The following TECPR2 variants were observed in gnomAD, a reference collection of about 807,000 sequenced individuals.
TECPR2 encodes tectonin beta-propeller repeat containing 2, also known as tectonin beta-propeller repeat-containing protein 2.
A neutral mutation model predicts 138.1 loss-of-function variants in TECPR2; 65 were observed. That is an observed-to-expected ratio of 0.47 (90% confidence interval 0.39 to 0.58). The LOEUF (loss-of-function observed/expected upper bound fraction) is 0.58, where lower values mean the gene tolerates loss of function less well. TECPR2 is among the 20% of genes least tolerant of loss of function. The probability of loss-of-function intolerance (pLI) is 0.00; values close to 1 mark genes in which losing one functional copy is unlikely to be tolerated. For missense variants in TECPR2, 1,553 were observed against 1,824.5 expected (o/e 0.85, Z 2.71); for synonymous variants, 746 against 749.8 (o/e 0.99, Z 0.08).
intron 2 of TECPR2, among the ~76,000 whole-genome samples, chr14:102,392,333 C>A (rs570480956): frequency 2.0e-5 from 3 of 152,232 alleles, no homozygotes; most frequent in African/African-American, 7.2e-5. Context: ...TATGTTCTCT[C>A]TTCTATGTCT....
chr14:102,383,409 T>G lies in TECPR2; in HGVS notation c.219+6469T>G, dbSNP rs538821995. ...CACCATTGTATTGTCTTTTTTGTTT[T>G]TTTTGTTTTTTTTTTTGAGGCAGAG... On this transcript the variant is annotated intron_variant, in intron 2 of 19. Coordinates refer to ENST00000359520, the MANE Select transcript of TECPR2 (RefSeq NM_014844.5). 7.9e-5 allele frequency among the ~76,000 whole-genome samples: 12 copies of G among 151,840 alleles called. No homozygotes were observed. The East Asian group carries it at 2.3e-3, about 29-fold the overall frequency.
chr14:102,398,004 T>G (rs1421756137), intron 2 of TECPR2, among the ~76,000 whole-genome samples: 1 of 134,510 alleles, frequency 7.4e-6, no homozygotes, highest in Non-Finnish European at 1.5e-5. Flanking sequence ...ACCCGGGAGA[T>G]GGAGGTTGCA....
intron 2 of TECPR2, among the ~76,000 whole-genome samples, chr14:102,386,117 G>A (rs1026076830): frequency 5.3e-5 from 8 of 151,970 alleles, no homozygotes; most frequent in South Asian, 2.1e-4. Context: ...TTTTTTGAGC[G>A]CCCATTATAT....
intron 17 of TECPR2, among the ~76,000 whole-genome samples, chr14:102,485,515 T>C (rs1891004959): frequency 6.6e-6 from 1 of 152,234 alleles, no homozygotes; most frequent in Non-Finnish European, 1.5e-5. Context: ...TCTCTCATTC[T>C]GGAAGGCCAT....
intron 16 of TECPR2, among the ~76,000 whole-genome samples, chr14:102,455,392 C>T (rs1890251794): frequency 6.6e-6 from 1 of 152,158 alleles, no homozygotes; most frequent in Non-Finnish European, 1.5e-5. Flanking sequence ...AGAGCTGGGC[C>T]CCAGGCGGGC....
chr14:102,440,541 T>C lies in TECPR2; in HGVS notation c.2684T>C (p.Val895Ala), dbSNP rs751282228. Reference protein sequence around the residue: ...RHWYEALPQAVFVALSDDTAW... With the variant: ...RHWYEALPQAAFVALSDDTAW... ...TGGTACGAAGCCCTGCCCCAGGCAG[T>C]GTTTGTGGCCCTGAGCGATGACACG... The change falls in exon 11 of 20, where the codon GTG (valine) becomes GCG (alanine). Residue 895 changes from valine to alanine, a missense_variant. Coordinates refer to ENST00000359520, the MANE Select transcript of TECPR2 (RefSeq NM_014844.5). The C allele has an allele frequency of 2.5e-6, 4 of 1,614,168 alleles. No individual in the cohort carries two copies. The highest frequency in any genetic ancestry group is 3.4e-6 in the Non-Finnish European group (4 of 1,180,032).
intron 10 of TECPR2, among the ~76,000 whole-genome samples, chr14:102,439,386 A>G (rs1889770127): frequency 6.6e-6 from 1 of 152,088 alleles, no homozygotes. Flanking sequence ...TGTTTAAAAT[A>G]TTAGTTTGTT....
chr14:102,380,121 A>G (rs1266539952), intron 2 of TECPR2, among the ~76,000 whole-genome samples: 1 of 150,186 alleles, frequency 6.7e-6, no homozygotes, highest in African/African-American at 2.5e-5. Context: ...CCATCTTAAA[A>G]TCCATGCACA....
intron 2 of TECPR2, among the ~76,000 whole-genome samples, chr14:102,381,168 C>G (rs1377977889): frequency 6.6e-6 from 1 of 152,170 alleles, no homozygotes; most frequent in Non-Finnish European, 1.5e-5. Flanking sequence ...ACCATGTTGT[C>G]CAGGCTGGTG....
intron 11 of TECPR2, among the ~76,000 whole-genome samples, chr14:102,442,384 G>A (rs1889859020): frequency 6.6e-6 from 1 of 152,250 alleles, no homozygotes; most frequent in Admixed American, 6.5e-5. Context: ...TGGCCTGGGT[G>A]CACAGCCATG....
At chr14:102,451,630 T>A (rs978733585) in intron 15 of TECPR2, among the ~76,000 whole-genome samples, 2 of 152,164 alleles carry the variant, frequency 1.3e-5, no homozygotes, top group Non-Finnish European at 2.9e-5. Context: ...CCTCCGTGGT[T>A]GTTTTGTAAA....
Position 102,376,654 on chromosome 14 carries a change from C to G in TECPR2, c.-68C>G. ...TTGTAATGCTTTGTTCTGTAGCCCC[C>G]AGGTTTCCCTAGATGACAAATAAAC... On this transcript the variant is annotated 5_prime_UTR_variant, in exon 2 of 20. Coordinates refer to ENST00000359520, the MANE Select transcript of TECPR2 (RefSeq NM_014844.5). 1 of 1,422,276 alleles carries G rather than the reference C, an allele frequency of 7.0e-7. No individual in the cohort carries two copies. The highest frequency in any genetic ancestry group is 1.8e-5 in the Admixed American group (1 of 56,286). The allele number at this position is 1,422,276 out of a possible 1,614,324, so 88.1% of individuals were successfully genotyped here. A position where few individuals can be genotyped will look rare whatever the true frequency, so the allele number is the denominator to read the frequency against.
chr14:102,378,664 G>A (rs1379190220), intron 2 of TECPR2, among the ~76,000 whole-genome samples: 1 of 151,884 alleles, frequency 6.6e-6, no homozygotes, highest in African/African-American at 2.4e-5. Flanking sequence ...CACTCTTGTC[G>A]CCCAGGCTGG....
At chr14:102,394,600 TCAAAA>T (rs1206314888) in intron 2 of TECPR2, among the ~76,000 whole-genome samples, 2 of 152,250 alleles carry the variant, frequency 1.3e-5, no homozygotes, top group East Asian at 3.9e-4. Flanking sequence ...AGACCCTGTC[TCAAAA>T]CAAACCAAAA....
intron 17 of TECPR2, among the ~76,000 whole-genome samples, chr14:102,496,652 T>G (rs557358693): frequency 2.0e-5 from 3 of 152,276 alleles, no homozygotes; most frequent in South Asian, 4.1e-4. Flanking sequence ...ACCATGGTCC[T>G]TCACAGCCAG....
intron 11 of TECPR2, among the ~76,000 whole-genome samples, chr14:102,442,994 T>TCATCAGTTTGA (rs891876063): frequency 6.6e-6 from 1 of 152,244 alleles, no homozygotes; most frequent in African/African-American, 2.4e-5. Context: ...TTGACAGACC[T>TCATCAGTTTGA]CAGATTTCAT....
chr14:102,382,874 A>G (rs1276900293), intron 2 of TECPR2, among the ~76,000 whole-genome samples: 2 of 151,850 alleles, frequency 1.3e-5, no homozygotes, highest in African/African-American at 4.8e-5. Context: ...TTCTTGCCTC[A>G]GCCTCCCAAG....
intron 7 of TECPR2, among the ~76,000 whole-genome samples, chr14:102,428,726 C>A (rs1214543263): frequency 6.6e-6 from 1 of 152,188 alleles, no homozygotes; most frequent in Non-Finnish European, 1.5e-5. Flanking sequence ...TGCACCACTG[C>A]ACTCCAGCCT....
chr14:102,377,420 A>G (rs1251005930), intron 2 of TECPR2, among the ~76,000 whole-genome samples: 1 of 152,130 alleles, frequency 6.6e-6, no homozygotes, highest in Non-Finnish European at 1.5e-5. Flanking sequence ...TTGGCCTCCT[A>G]AAGTACTCGG....
Sources: gnomAD v4.1 joint callset for allele counts (sites outside exome capture counted in the v4.1 genomes callset) on GRCh38, gnomAD v4.1.1 for gene constraint, MANE v1.5 for transcripts, NCBI Gene and HGNC (gene_info 2026-07-23, HGNC 2026-07-21) for gene names.